The following DAD1 variants were observed in gnomAD, a reference collection of about 807,000 sequenced individuals.
DAD1 encodes the protein defender against cell death 1.
Under a neutral mutation model 9.0 loss-of-function variants are expected in DAD1, and 4 were observed. That is an observed-to-expected ratio of 0.44 (90% CI 0.22 to 1.01). The LOEUF (loss-of-function observed/expected upper bound fraction) is 1.01, where lower values mean the gene tolerates loss of function less well. Among genes scored for constraint, DAD1 ranks in the 50% least tolerant of loss-of-function variants. The pLI, the probability that DAD1 is intolerant of heterozygous loss-of-function variation, is 0.24. For synonymous variants in DAD1, 60 were observed against 62.5 expected (o/e 0.96, Z 0.19); for missense variants, 119 against 137.3 (o/e 0.87, Z 0.67).
intron 1 of DAD1, 83 bp downstream of exon 1, chr14:22,588,864 T>C (rs930204040): frequency 4.1e-5 from 55 of 1,349,278 alleles, no homozygotes; most frequent in Non-Finnish European, 5.4e-5. Flanking sequence ...CAAGGGGCGG[T>C]GGTCTGATAT....
At position 22,589,193 on chromosome 14, in the gene DAD1, C is replaced by T. The variant is rs1019440898; in HGVS notation, c.-36G>A. On this transcript the variant is annotated 5_prime_UTR_variant, in exon 1 of 3. Transcript: ENST00000250498. ...AAGGTACTCCGGTCCGCGCCCCAAA[C>T]TCTTGGAGGACCCGTCGACCACACC... 6.2e-7 allele frequency: 1 copy of T among 1,608,298 alleles called. No homozygotes were observed. The highest frequency in any genetic ancestry group is 1.3e-5 in the African/African-American group (1 of 74,846).
intron 1 of DAD1, among the ~76,000 whole-genome samples, chr14:22,578,538 G>C (rs532342332): frequency 2.0e-5 from 3 of 152,376 alleles, no homozygotes; most frequent in African/African-American, 7.2e-5. Context: ...CTGCACTCCA[G>C]CCTGGGCAAG....
At chr14:22,577,906 A>G (rs1002437892) in intron 1 of DAD1, among the ~76,000 whole-genome samples, 1 of 152,218 alleles carries the variant, frequency 6.6e-6, no homozygotes, top group Non-Finnish European at 1.5e-5. Flanking sequence ...AGAACTATAC[A>G]CTTAAAAATG....
Position 22,588,390 on chromosome 14 carries a change from A to C in DAD1, c.211+557T>G, listed in dbSNP as rs572773952. On this transcript the variant is annotated intron_variant, in intron 1 of 2. Transcript: ENST00000250498. ...GAATCAAAAGGAAAAATAAGGCTAA[A>C]ATAGAGTTATGTGAACAAAAATTGG... 2.0e-5 allele frequency among the ~76,000 whole-genome samples: 3 copies of C among 152,364 alleles called. No homozygotes were observed. The East Asian group carries it at 5.8e-4, about 29-fold the overall frequency.
intron 1 of DAD1, among the ~76,000 whole-genome samples, chr14:22,581,829 G>A (rs2037118288): frequency 8.6e-5 from 13 of 150,820 alleles, no homozygotes; most frequent in Admixed American, 7.9e-4. Flanking sequence ...GCCAAATCCT[G>A]AGGGGCATGG....
At chr14:22,565,236 T>A in intron 2 of DAD1, 99 bp from the exon 3 acceptor site, 1 of 652,424 alleles carries the variant, frequency 1.5e-6, no homozygotes, top group Non-Finnish European at 2.8e-6. Context: ...AGTTATGGGG[T>A]TCCCACACTC....
At chr14:22,569,512 G>A (rs929203128) in intron 2 of DAD1, among the ~76,000 whole-genome samples, 9 of 152,188 alleles carry the variant, frequency 5.9e-5, no homozygotes, top group Non-Finnish European at 1.0e-4. Context: ...TGAGTCCAGT[G>A]GGAGAGAGAA....
intron 1 of DAD1, among the ~76,000 whole-genome samples, chr14:22,576,547 G>A (rs1338655482): frequency 2.0e-5 from 3 of 152,184 alleles, no homozygotes; most frequent in Non-Finnish European, 4.4e-5. Context: ...AAAGTTTTAT[G>A]GCATTGGATT....
chr14:22,575,074 T>G lies in DAD1; in HGVS notation c.*29A>C. 1 of 1,611,844 alleles carries G rather than the reference T, an allele frequency of 6.2e-7. No individual in the cohort carries two copies. Among genetic ancestry groups the G allele is most frequent in the Non-Finnish European group, 8.5e-7 (1 of 1,178,442 alleles). The stretch of plus-strand genomic sequence containing the variant: ...CATCACTTACATTCTTTTAGTCTCC[T>G]ACTCCTCAATTAAGTAAATGAGAAT... On this transcript the variant is annotated 3_prime_UTR_variant, in exon 2 of 3. Coordinates refer to ENST00000250498, the MANE Select transcript of DAD1 (RefSeq NM_001344.4).
chr14:22,580,538 T>C (rs1182632119), intron 1 of DAD1, among the ~76,000 whole-genome samples: 5 of 152,070 alleles, frequency 3.3e-5, no homozygotes, highest in South Asian at 2.1e-4. Flanking sequence ...ATAGTGGTCA[T>C]TGGAGTAAAG....
chr14:22,577,761 T>A (rs1365445403), intron 1 of DAD1, among the ~76,000 whole-genome samples: 1 of 152,188 alleles, frequency 6.6e-6, no homozygotes, highest in Non-Finnish European at 1.5e-5. Flanking sequence ...GAATGGTAGA[T>A]GCCAGGGACT....
At chr14:22,573,689 A>G (rs550636176) in intron 2 of DAD1, among the ~76,000 whole-genome samples, 38 of 145,514 alleles carry the variant, frequency 2.6e-4, no homozygotes, top group South Asian at 9.1e-4. Context: ...CAGCCTGGGT[A>G]ACAGAGCGAG....
At chr14:22,582,098 T>G (rs1367636347) in intron 1 of DAD1, among the ~76,000 whole-genome samples, 3 of 151,912 alleles carry the variant, frequency 2.0e-5, no homozygotes, top group Non-Finnish European at 4.4e-5. Flanking sequence ...TCCCAGCTAC[T>G]AGGGAGGCTG....
chr14:22,583,981 T>G (rs532216203), intron 1 of DAD1, among the ~76,000 whole-genome samples: 1 of 152,134 alleles, frequency 6.6e-6, no homozygotes, highest in Non-Finnish European at 1.5e-5. Context: ...AAGGCGAATG[T>G]ATAAGAGAAA....
At chr14:22,575,274 G>C in intron 1 of DAD1, 41 bp from the exon 2 acceptor site, 1 of 1,601,186 alleles carries the variant, frequency 6.2e-7, no homozygotes, top group Non-Finnish European at 8.5e-7. Context: ...TTATATAGAA[G>C]TATAAAATAA....
intron 1 of DAD1, among the ~76,000 whole-genome samples, chr14:22,578,466 T>G (rs1266836854): frequency 6.6e-6 from 1 of 152,156 alleles, no homozygotes; most frequent in Admixed American, 6.5e-5. Flanking sequence ...CTCAGGAGGC[T>G]GAGGCAGGAG....
chr14:22,578,368 C>T (rs1421832018), intron 1 of DAD1, among the ~76,000 whole-genome samples: 1 of 152,146 alleles, frequency 6.6e-6, no homozygotes, highest in Non-Finnish European at 1.5e-5. Flanking sequence ...AGTTCAAGAC[C>T]AGCCTGGCCA....
At chr14:22,579,933 G>A (rs1298555885) in intron 1 of DAD1, among the ~76,000 whole-genome samples, 1 of 146,292 alleles carries the variant, frequency 6.8e-6, no homozygotes, top group Admixed American at 7.1e-5. Context: ...TCGACCTCCT[G>A]GGCTCAAACA....
intron 2 of DAD1, among the ~76,000 whole-genome samples, 197 bp from the exon 3 acceptor site, chr14:22,565,334 T>C (rs1000554172): frequency 7.2e-5 from 11 of 152,146 alleles, no homozygotes; most frequent in Non-Finnish European, 1.5e-4. Flanking sequence ...CCAGAAAAAT[T>C]AATGTCAAAA....
Sources: gnomAD v4.1 joint callset for allele counts (sites outside exome capture counted in the v4.1 genomes callset) on GRCh38, gnomAD v4.1.1 for gene constraint, MANE v1.5 for transcripts, NCBI Gene and HGNC (gene_info 2026-07-23, HGNC 2026-07-21) for gene names.